Variants in RIMBP2 observed in about 807,000 individuals in gnomAD.
RIMBP2 encodes the protein RIMS-binding protein 2.
RIMBP2 carries 48 observed loss-of-function variants against 118.6 expected under a neutral mutation model. The observed-to-expected ratio is 0.40, with a 90% CI of 0.32 to 0.51. The LOEUF is 0.51. RIMBP2 is among the 20% of genes least tolerant of loss of function. The pLI, the probability that RIMBP2 is intolerant of heterozygous loss-of-function variation, is 0.41. For synonymous variants in RIMBP2, 762 were observed against 742.9 expected, an observed-to-expected ratio of 1.03 and a Z score of -0.42; for missense variants, 1,551 against 1,768.3, an observed-to-expected ratio of 0.88 and a Z score of 2.20.
At chr12:130,443,927 G>T (rs941020013) in intron 10 of RIMBP2, among the ~76,000 whole-genome samples, 3 of 152,160 alleles carry the variant, frequency 2.0e-5, no homozygotes, top group Admixed American at 1.3e-4. Flanking sequence ...CCCTCTATGA[G>T]GTGGGTACTA....
chr12:130,513,539 C>G (rs1328623669), intron 3 of RIMBP2, among the ~76,000 whole-genome samples: 1 of 152,074 alleles, frequency 6.6e-6, no homozygotes, highest in Non-Finnish European at 1.5e-5. Context: ...CAGGCACCTC[C>G]TAACCCAAAC....
At chr12:130,414,337 G>A (rs761599121) in intron 17 of RIMBP2, 31 bp from the exon 18 acceptor site, 121 of 1,545,388 alleles carry the variant, frequency 7.8e-5, no homozygotes, top group Non-Finnish European at 9.8e-5. Flanking sequence ...AGAACAGAGC[G>A]GCAGTGAGCC....
At chr12:130,691,343 C>A (rs2065297917) in intron 1 of RIMBP2, among the ~76,000 whole-genome samples, 1 of 152,172 alleles carries the variant, frequency 6.6e-6, no homozygotes, top group Admixed American at 6.5e-5. Flanking sequence ...GGCTGTAGCC[C>A]CTTCTACCCA....
chr12:130,601,487 C>G (rs1338997218), intron 2 of RIMBP2, among the ~76,000 whole-genome samples: 1 of 152,122 alleles, frequency 6.6e-6, no homozygotes, highest in Non-Finnish European at 1.5e-5. Flanking sequence ...TACTGCCCAG[C>G]CTGGCTTCCA....
At chr12:130,415,812 C>T (rs556202478) in intron 17 of RIMBP2, among the ~76,000 whole-genome samples, 1 of 152,272 alleles carries the variant, frequency 6.6e-6, no homozygotes, top group Admixed American at 6.5e-5. Flanking sequence ...ACCCTGAAGA[C>T]TCTGCTAAAA....
intron 2 of RIMBP2, among the ~76,000 whole-genome samples, chr12:130,527,003 T>C (rs1436339231): frequency 6.6e-6 from 1 of 152,018 alleles, no homozygotes; most frequent in Non-Finnish European, 1.5e-5. Context: ...AGGCGAGTGG[T>C]TGCTGCTGTC....
chr12:130,614,667 G>A (rs2060788819), intron 2 of RIMBP2, among the ~76,000 whole-genome samples: 1 of 152,096 alleles, frequency 6.6e-6, no homozygotes, highest in African/African-American at 2.4e-5. Context: ...AAGAAAAAAG[G>A]GGAAATCTTG....
chr12:130,470,496 T>C (rs1464894381), intron 6 of RIMBP2, 197 bp downstream of exon 6: 4 of 391,870 alleles, frequency 1.0e-5, no homozygotes, highest in East Asian at 7.2e-5. Flanking sequence ...TCAGTTTCCC[T>C]GTAAGAACGG....
Position 130,469,972 on chromosome 12 carries a change from T to G in RIMBP2, c.153+721A>C, listed in dbSNP as rs150353426. Among the ~76,000 whole-genome samples the G allele has an allele frequency of 6.6e-6, 1 of 152,308 alleles. No individual in the cohort carries two copies. Among genetic ancestry groups the G allele is most frequent in the Non-Finnish European group, 1.5e-5 (1 of 68,020 alleles). ...CAGCAGAGGCCTGAGGGGGACCCCA[T>G]AGCCCTCCCTGTCTGCCTGGCTACT... is the stretch of plus-strand genomic sequence containing the variant. On this transcript the variant is annotated intron_variant, in intron 6 of 22. Transcript: ENST00000690449. This position sits in a 1 kb window ranked among gnomAD's most constrained non-coding sequence, Gnocchi z 4.8.
chr12:130,672,892 TA>T (rs1319136679), intron 1 of RIMBP2, among the ~76,000 whole-genome samples: 7 of 152,080 alleles, frequency 4.6e-5, no homozygotes, highest in African/African-American at 1.7e-4. Context: ...CTTATCCTAG[TA>T]TTTAGATCCA....
At chr12:130,541,246 T>C (rs1400747373) in intron 2 of RIMBP2, among the ~76,000 whole-genome samples, 1 of 152,318 alleles carries the variant, frequency 6.6e-6, no homozygotes, top group East Asian at 1.9e-4. Flanking sequence ...GCCCTGAAAC[T>C]CTGAGATTAG....
At chr12:130,532,482 T>G (rs58001555) in intron 2 of RIMBP2, among the ~76,000 whole-genome samples, 577 of 141,766 alleles carry the variant, frequency 4.1e-3, no homozygotes, top group African/African-American at 0.015. Flanking sequence ...CTCTAGGAGT[T>G]ACGTCTAATG....
At chr12:130,490,322 C>G (rs2048522465) in intron 4 of RIMBP2, among the ~76,000 whole-genome samples, 1 of 151,866 alleles carries the variant, frequency 6.6e-6, no homozygotes, top group Non-Finnish European at 1.5e-5. Context: ...ATAAATCTGT[C>G]CAGGAAAATG....
intron 1 of RIMBP2, among the ~76,000 whole-genome samples, chr12:130,691,987 G>A (rs2136665350): frequency 6.6e-6 from 1 of 152,302 alleles, no homozygotes; most frequent in East Asian, 1.9e-4. Context: ...GGTGCTGCGA[G>A]GGGTCTAAGG....
chr12:130,590,944 C>T (rs1057098651), intron 2 of RIMBP2, among the ~76,000 whole-genome samples: 2 of 152,108 alleles, frequency 1.3e-5, no homozygotes, highest in African/African-American at 4.8e-5. Context: ...CAAGTGCAGC[C>T]AGGGGAAAGC....
chr12:130,676,426 C>T (rs1377236357), intron 1 of RIMBP2, among the ~76,000 whole-genome samples: 2 of 151,074 alleles, frequency 1.3e-5, no homozygotes, highest in East Asian at 1.9e-4. Context: ...AGATGGAGAC[C>T]ATCCTGGCCA....
chr12:130,488,101 G>C (rs1018019174), intron 4 of RIMBP2, among the ~76,000 whole-genome samples: 1 of 152,148 alleles, frequency 6.6e-6, no homozygotes, highest in African/African-American at 2.4e-5. Context: ...TCCTGTGGCT[G>C]TCTAGAAACT....
intron 1 of RIMBP2, among the ~76,000 whole-genome samples, chr12:130,654,243 A>G (rs1294179396): frequency 6.6e-6 from 1 of 152,212 alleles, no homozygotes; most frequent in East Asian, 1.9e-4. Flanking sequence ...GTATCTGAGC[A>G]TAGGTTATTA....
chr12:130,547,251 CA>C (rs1238367353), intron 2 of RIMBP2, among the ~76,000 whole-genome samples: 2 of 152,200 alleles, frequency 1.3e-5, no homozygotes, highest in African/African-American at 4.8e-5. Context: ...TGCATACGCT[CA>C]CACAGAAAGA....
Sources: gnomAD v4.1 joint callset for allele counts (sites outside exome capture counted in the v4.1 genomes callset) on GRCh38, gnomAD v4.1.1 for gene constraint, Gnocchi (gnomAD v3.1) non-coding constraint, MANE v1.5 for transcripts, NCBI Gene and HGNC (gene_info 2026-07-23, HGNC 2026-07-21) for gene names.